The following TNS3 variants were observed in gnomAD, a reference collection of about 807,000 sequenced individuals.
The protein encoded by TNS3 is tensin 3.
In TNS3, 45 loss-of-function variants were observed where a neutral mutation model predicts 140.9. The observed-to-expected ratio is 0.32, with a 90% CI of 0.25 to 0.41. The LOEUF is 0.41. Ranked by LOEUF, TNS3 falls within the 10% of genes least tolerant of loss-of-function variation. The probability of loss-of-function intolerance (pLI) is 1.00; values close to 1 mark genes in which losing one functional copy is unlikely to be tolerated. For missense variants in TNS3, 1,716 were observed against 1,906.7 expected (o/e 0.90, Z 1.86); for synonymous variants, 815 against 788.4 (o/e 1.03, Z -0.56).
intron 4 of TNS3, among the ~76,000 whole-genome samples, chr7:47,476,362 C>T (rs907098): frequency 0.77 from 116,908 of 152,058 alleles, 46,223 homozygotes; most frequent in Admixed American, 0.86. Flanking sequence ...TGCGTGTACA[C>T]ATACACGTAG....
rs971645826 is a variant in TNS3 at position 47,415,284 on chromosome 7, C to T, written c.474-78G>A. Reference sequence around the variant, plus strand: ...TGAGAAGGGAACTCAAGGAGAAACACATCCTGGCTGAGTCTGGGGCTCTGG... The same window carrying T: ...TGAGAAGGGAACTCAAGGAGAAACATATCCTGGCTGAGTCTGGGGCTCTGG... On this transcript the variant is annotated intron_variant, in intron 10 of 30. Transcript: ENST00000311160. 6.0e-6 allele frequency: 6 copies of T among 1,008,124 alleles called. No individual in the cohort carries two copies. The African/African-American group carries it at 8.3e-5, about 14-fold the overall frequency. The allele number at this position is 1,008,124 out of a possible 1,614,324, so 62.4% of individuals were successfully genotyped here.
At chr7:47,422,289 C>T (rs890850276) in intron 10 of TNS3, among the ~76,000 whole-genome samples, 13 of 152,028 alleles carry the variant, frequency 8.6e-5, no homozygotes, top group Non-Finnish European at 8.8e-5. Flanking sequence ...TGTGCAATGA[C>T]GGGAAGGATG....
intron 20 of TNS3, among the ~76,000 whole-genome samples, chr7:47,343,527 A>C (rs1425852633): frequency 6.6e-6 from 1 of 152,196 alleles, no homozygotes; most frequent in African/African-American, 2.4e-5. Flanking sequence ...TGCCAGCCCA[A>C]ACCCACTGAA....
At chr7:47,319,737 A>G (rs1181624146) in intron 20 of TNS3, among the ~76,000 whole-genome samples, 3 of 152,212 alleles carry the variant, frequency 2.0e-5, no homozygotes, top group South Asian at 4.1e-4. Flanking sequence ...TGCCTGTCTA[A>G]GAACCCCTGT....
rs1334608250 is a variant in TNS3, at chr7:47,439,612, G to C, written c.25C>G (p.Leu9Val). The change falls in exon 6 of 31, where the codon CTC becomes GTC. Residue 9 changes from leucine (L) to valine (V), a missense_variant. Leu to Val is a conservative substitution (Grantham distance 32, BLOSUM62 1). Around this residue, in one of 3 missense-constraint regions of TNS3, gnomAD observed 337 missense variants for 428.9 expected, o/e 0.79. Coordinates refer to ENST00000311160, the MANE Select transcript of TNS3 (RefSeq NM_022748.12). Reference protein sequence around the residue: MEEGHGLDLTYITERIIAV... With the variant: MEEGHGLDVTYITERIIAV... Reference sequence around the variant, plus strand: ...ATGATGCGCTCCGTGATGTAAGTGAGGTCCAGCCCATGGCCCTCCTCCATG... The same window carrying C: ...ATGATGCGCTCCGTGATGTAAGTGACGTCCAGCCCATGGCCCTCCTCCATG... The C allele has an allele frequency of 6.2e-7, 1 of 1,614,084 alleles. No homozygotes were observed. The highest frequency in any genetic ancestry group is 1.3e-5 in the African/African-American group (1 of 75,060).
chr7:47,283,573 G>A, intron 28 of TNS3, 124 bp downstream of exon 28: 1 of 878,744 alleles, frequency 1.1e-6, no homozygotes, highest in Non-Finnish European at 1.6e-6. Flanking sequence ...CAGACCCTGG[G>A]TGACTCATGA....
At chr7:47,367,596 T>G (rs1309354763) in intron 17 of TNS3, among the ~76,000 whole-genome samples, 3 of 152,186 alleles carry the variant, frequency 2.0e-5, no homozygotes, top group Non-Finnish European at 4.4e-5. Flanking sequence ...CTGGCCTCCC[T>G]GCAGTTAGCA....
At chr7:47,536,114 T>A (rs1363703265) in intron 1 of TNS3, among the ~76,000 whole-genome samples, 1 of 152,232 alleles carries the variant, frequency 6.6e-6, no homozygotes, top group Non-Finnish European at 1.5e-5. Context: ...AGGGACACCC[T>A]CCACATCCAA....
intron 1 of TNS3, among the ~76,000 whole-genome samples, chr7:47,576,622 C>T (rs545884957): frequency 6.6e-6 from 1 of 152,300 alleles, no homozygotes; most frequent in Admixed American, 6.5e-5. Flanking sequence ...CAGAGCCAGC[C>T]CGGCGCTCCA....
At chr7:47,447,155 G>C (rs1434524681) in intron 4 of TNS3, among the ~76,000 whole-genome samples, 1 of 152,150 alleles carries the variant, frequency 6.6e-6, no homozygotes, top group Non-Finnish European at 1.5e-5. Context: ...TCCCAGTCCT[G>C]GACTCCCTGA....
chr7:47,557,102 ATC>A (rs1800215560), intron 1 of TNS3: 2 of 456,684 alleles, frequency 4.4e-6, no homozygotes, highest in Non-Finnish European at 8.8e-6. Context: ...CCGAATCCTG[ATC>A]TCTGCCTGGA....
chr7:47,351,855 A>C (rs1017992463), intron 17 of TNS3, among the ~76,000 whole-genome samples: 1 of 152,122 alleles, frequency 6.6e-6, no homozygotes, highest in Admixed American at 6.5e-5. Context: ...TGGAGACTGG[A>C]GCTGCCCCTC....
At chr7:47,352,675 AG>A (rs1789757752) in intron 17 of TNS3, among the ~76,000 whole-genome samples, 1 of 152,068 alleles carries the variant, frequency 6.6e-6, no homozygotes. Context: ...TCCACTGTAG[AG>A]GGGTTGGTTC....
rs542060079 is a variant in TNS3, at chr7:47,368,689, G to T, written c.1957C>A (p.Pro653Thr). ...VQRGVGSGPH[P>T]PDTQQPSPSK... ...GGAGAGGGCTGCTGTGTGTCAGGGGGATGTGGCCCACTGCCTACACCCCTC... is the reference window on the plus strand; with the variant it reads ...GGAGAGGGCTGCTGTGTGTCAGGGGTATGTGGCCCACTGCCTACACCCCTC... The change falls in exon 17 of 31, where the codon CCC (proline) becomes ACC (threonine). Residue 653 changes from proline to threonine, a missense_variant. Physicochemically the swap from Pro to Thr is conservative, Grantham distance 38 (BLOSUM62 -1). Around this residue, in one of 3 missense-constraint regions of TNS3, gnomAD observed 1,163 missense variants for 1,182.1 expected, o/e 0.98. Coordinates refer to ENST00000311160, the MANE Select transcript of TNS3 (RefSeq NM_022748.12). 1.3e-6 allele frequency: 2 copies of T among 1,592,478 alleles called. No homozygotes were observed. Among genetic ancestry groups the T allele is most frequent in the East Asian group, 4.5e-5 (2 of 44,752 alleles).
At chr7:47,470,521 G>A in intron 4 of TNS3, 2 of 985,458 alleles carry the variant, frequency 2.0e-6, no homozygotes, top group Non-Finnish European at 2.4e-6. Flanking sequence ...GCTTACAGGT[G>A]AGTCCAGGGA....
At chr7:47,572,668 G>C (rs1403464786) in intron 1 of TNS3, among the ~76,000 whole-genome samples, 1 of 152,154 alleles carries the variant, frequency 6.6e-6, no homozygotes, top group African/African-American at 2.4e-5. Flanking sequence ...CTGAGGTCAG[G>C]AGTTCGAGAC....
chr7:47,365,279 T>C (rs528649306), intron 17 of TNS3, among the ~76,000 whole-genome samples: 2 of 151,916 alleles, frequency 1.3e-5, no homozygotes, highest in African/African-American at 4.8e-5. Flanking sequence ...ACCCCATCTC[T>C]ACTAAAAATA....
In TNS3 at chr7:47,439,643, A is replaced by C; in HGVS notation, c.-7T>G. The C allele has an allele frequency of 1.9e-6, 3 of 1,613,920 alleles. No individual in the cohort carries two copies. The highest frequency in any genetic ancestry group is 2.5e-6 in the Non-Finnish European group (3 of 1,179,956). On this transcript the variant is annotated 5_prime_UTR_variant, in exon 6 of 31. Transcript: ENST00000311160. ...GCCCATGGCCCTCCTCCATGGTGGG[A>C]CTCAGGATGACGGGCCTGCGAGAGA...
At chr7:47,410,529 GA>G (rs1441371306) in intron 13 of TNS3, among the ~76,000 whole-genome samples, 1 of 152,182 alleles carries the variant, frequency 6.6e-6, no homozygotes, top group East Asian at 1.9e-4. Context: ...CGCAGGCGTG[GA>G]TGGGTTTAGA....
Sources: allele counts gnomAD v4.1 joint callset (sites outside exome capture counted in the v4.1 genomes callset), GRCh38; gene constraint gnomAD v4.1.1; regional missense constraint gnomAD v4.1.1; transcripts MANE v1.5; gene names NCBI Gene and HGNC (gene_info 2026-07-23, HGNC 2026-07-21).